The following PRKCH variants were observed in gnomAD, a reference collection of about 807,000 sequenced individuals.
PRKCH encodes the protein protein kinase C eta type.
In PRKCH, 28 loss-of-function variants were observed where a neutral mutation model predicts 82.5. The observed-to-expected ratio is 0.34, with a 90% CI of 0.25 to 0.47. PRKCH has a LOEUF of 0.47. Among genes scored for constraint, PRKCH ranks in the 20% least tolerant of loss-of-function variants. The pLI is 1.00. For synonymous variants in PRKCH, 322 were observed against 327.4 expected, an observed-to-expected ratio of 0.98 and a Z score of 0.18; for missense variants, 705 against 881.8, an observed-to-expected ratio of 0.80 and a Z score of 2.54.
At chr14:61,434,516 A>G (rs1001464718) in intron 2 of PRKCH, among the ~76,000 whole-genome samples, 3 of 152,232 alleles carry the variant, frequency 2.0e-5, no homozygotes, top group East Asian at 1.9e-4. Context: ...GATGACGTCA[A>G]TAGAGGAAAA....
intron 9 of PRKCH, among the ~76,000 whole-genome samples, chr14:61,483,429 C>G (rs1354589746): frequency 6.6e-6 from 1 of 152,238 alleles, no homozygotes; most frequent in East Asian, 1.9e-4. Context: ...TTACATTGGC[C>G]AACCCGAAGA....
chr14:61,502,082 T>TC (rs72309622), intron 10 of PRKCH, among the ~76,000 whole-genome samples: 7 of 19,838 alleles, frequency 3.5e-4, no homozygotes, highest in Middle Eastern at 0.031. Flanking sequence ...TTTTTTTTTT[T>TC]CCGAGATGGA....
chr14:61,526,095 C>T (rs2042962759), intron 10 of PRKCH, among the ~76,000 whole-genome samples: 1 of 152,238 alleles, frequency 6.6e-6, no homozygotes, highest in Non-Finnish European at 1.5e-5. Flanking sequence ...ATCCTCACCC[C>T]TGCTCCCGTC....
intron 1 of PRKCH, among the ~76,000 whole-genome samples, chr14:61,333,790 G>T (rs1227679580): frequency 6.6e-6 from 1 of 152,142 alleles, no homozygotes; most frequent in East Asian, 1.9e-4. Context: ...AAAGAAATAG[G>T]ATTCATCTTT....
intron 1 of PRKCH, among the ~76,000 whole-genome samples, chr14:61,226,659 G>C (rs1009858038): frequency 6.6e-6 from 1 of 152,220 alleles, no homozygotes; most frequent in Non-Finnish European, 1.5e-5. Context: ...CATTGTATTT[G>C]GCAGTGGTTG....
At chr14:61,290,358 G>A (rs1420764074) in intron 1 of PRKCH, among the ~76,000 whole-genome samples, 1 of 152,090 alleles carries the variant, frequency 6.6e-6, no homozygotes, top group Non-Finnish European at 1.5e-5. Flanking sequence ...TGTGAAACTG[G>A]GGAAAAATAA....
rs149795568 is a variant in PRKCH at position 61,363,598 on chromosome 14, G to T, written c.364-27627G>T. ...TATGTAGGGGCCAAGGTAATATACT[G>T]ATTTTAAAAAGTGTCCATCTGGCAA... On this transcript the variant is annotated intron_variant, in intron 1 of 13. Coordinates refer to ENST00000332981, the MANE Select transcript of PRKCH (RefSeq NM_006255.5). Among the ~76,000 whole-genome samples the T allele has an allele frequency of 3.9e-5, 6 of 152,266 alleles. No homozygotes were observed. The East Asian group carries it at 1.2e-3, about 29-fold the overall frequency.
Position 61,415,775 on chromosome 14 carries a change from C to A in PRKCH, c.427+24487C>A, listed in dbSNP as rs529987003. The stretch of plus-strand genomic sequence containing the variant: ...ATTATTGTAAAACCATCACCACCAT[C>A]CATCTCCAGAATTCTTTTCATATTG... On this transcript the variant is annotated intron_variant, in intron 2 of 13. Transcript: ENST00000332981. Among the ~76,000 whole-genome samples, 3 of 152,308 alleles carry A rather than the reference C, an allele frequency of 2.0e-5. No homozygotes were observed. The South Asian group carries it at 6.2e-4, about 32-fold the overall frequency.
At position 61,280,491 on chromosome 14, in the gene PRKCH, G is replaced by C. The variant is rs370018587; in HGVS notation, c.-19+92823G>C. On this transcript the variant is annotated intron_variant, in intron 1 of 3. Coordinates refer to the PRKCH transcript ENST00000555185. This position sits in a 1 kb window ranked among gnomAD's most constrained non-coding sequence, Gnocchi z 5.0. ...TGGGCGGGGGCGCCGTGCCCTGGAA[G>C]GCCAACGCCAGGCTGCCGTTGACCA... 1.7e-5 allele frequency: 27 copies of C among 1,613,040 alleles called. No individual in the cohort carries two copies. The highest frequency in any genetic ancestry group is 2.3e-5 in the Non-Finnish European group (27 of 1,179,598).
intron 9 of PRKCH, among the ~76,000 whole-genome samples, chr14:61,467,684 A>G (rs1885321277): frequency 6.6e-6 from 1 of 152,190 alleles, no homozygotes. Flanking sequence ...GCCTTGGGGT[A>G]GTTGGTTGAT....
chr14:61,342,396 A>G (rs954386497), intron 1 of PRKCH, among the ~76,000 whole-genome samples: 3 of 152,200 alleles, frequency 2.0e-5, no homozygotes, highest in Non-Finnish European at 4.4e-5. Context: ...AGCTGCTTAA[A>G]GATTTGAAAA....
chr14:61,233,245 G>A (rs114190911), intron 1 of PRKCH, among the ~76,000 whole-genome samples: 1 of 152,020 alleles, frequency 6.6e-6, no homozygotes, highest in Non-Finnish European at 1.5e-5. Flanking sequence ...TTTAAAATTA[G>A]CTAAGCATAG....
intron 1 of PRKCH, among the ~76,000 whole-genome samples, chr14:61,299,355 A>AGGTAAG (rs1566811520): frequency 7.0e-4 from 107 of 152,322 alleles, no homozygotes; most frequent in Admixed American, 1.8e-3. Context: ...TTACCAGTCA[A>AGGTAAG]AAGTTCCTAG....
intron 9 of PRKCH, among the ~76,000 whole-genome samples, chr14:61,459,297 C>T (rs1884924835): frequency 6.6e-6 from 1 of 152,234 alleles, no homozygotes; most frequent in Non-Finnish European, 1.5e-5. Context: ...GCTGGCAATA[C>T]ACCTCTAGGG....
intron 1 of PRKCH, among the ~76,000 whole-genome samples, chr14:61,368,317 T>TG (rs777583745): frequency 1.3e-5 from 2 of 149,660 alleles, no homozygotes; most frequent in Non-Finnish European, 1.5e-5. Flanking sequence ...TCCCTAGTCA[T>TG]GGGAAAAAAA....
At chr14:61,494,873 A>T (rs867859145) in intron 10 of PRKCH, among the ~76,000 whole-genome samples, 5 of 152,142 alleles carry the variant, frequency 3.3e-5, no homozygotes, top group Admixed American at 1.3e-4. Context: ...TTTTCTCTGT[A>T]TTTTCACAAT....
At chr14:61,277,028 A>G (rs983248846) in intron 1 of PRKCH, among the ~76,000 whole-genome samples, 2 of 152,062 alleles carry the variant, frequency 1.3e-5, no homozygotes, top group African/African-American at 2.4e-5. Flanking sequence ...TACTAAAAGT[A>G]TATAAAAATT....
At chr14:61,445,502 A>C (rs889983666) in intron 3 of PRKCH, among the ~76,000 whole-genome samples, 190 bp from the exon 4 acceptor site, 1 of 152,346 alleles carries the variant, frequency 6.6e-6, no homozygotes. Flanking sequence ...AGCACATTCT[A>C]ATCCAGCACA....
intron 1 of PRKCH, among the ~76,000 whole-genome samples, chr14:61,353,164 T>A (rs1286190587): frequency 2.0e-5 from 3 of 152,168 alleles, no homozygotes; most frequent in Non-Finnish European, 2.9e-5. Flanking sequence ...TGGACCTGTA[T>A]AGCCAAAGTG....
Sources: gnomAD v4.1 joint callset for allele counts (sites outside exome capture counted in the v4.1 genomes callset) on GRCh38, gnomAD v4.1.1 for gene constraint, Gnocchi (gnomAD v3.1) non-coding constraint, MANE v1.5 for transcripts, NCBI Gene and HGNC (gene_info 2026-07-23, HGNC 2026-07-21) for gene names.